KIAA0825: variants seen among roughly 807,000 people sequenced by gnomAD.
KIAA0825 encodes the protein uncharacterized protein KIAA0825.
KIAA0825 carries 119 observed loss-of-function variants against 147.6 expected under a neutral mutation model. That is an observed-to-expected ratio of 0.81 (90% CI 0.69 to 0.94). KIAA0825 has a LOEUF of 0.94. Ranked by LOEUF, KIAA0825 falls within the 40% of genes least tolerant of loss-of-function variation. The probability of loss-of-function intolerance (pLI) is 0.00; values close to 1 mark genes in which losing one functional copy is unlikely to be tolerated. For missense variants in KIAA0825, 1,381 were observed against 1,472.7 expected, an observed-to-expected ratio of 0.94 and a Z score of 1.02; for synonymous variants, 470 against 518.1, an observed-to-expected ratio of 0.91 and a Z score of 1.26.
chr5:94,542,193 A>C (rs1023264843), intron 2 of KIAA0825, among the ~76,000 whole-genome samples: 4 of 152,182 alleles, frequency 2.6e-5, no homozygotes, highest in African/African-American at 9.7e-5. Flanking sequence ...GGAGGAAAAA[A>C]CTTTCAGGAC....
At chr5:94,493,846 C>A (rs971018610) in intron 5 of KIAA0825, among the ~76,000 whole-genome samples, 2 of 151,920 alleles carry the variant, frequency 1.3e-5, no homozygotes, top group African/African-American at 4.8e-5. Flanking sequence ...AAAATTTGCA[C>A]CCATTGATAG....
chr5:94,261,163 C>T (rs573586720), intron 20 of KIAA0825, among the ~76,000 whole-genome samples: 12 of 151,290 alleles, frequency 7.9e-5, no homozygotes, highest in African/African-American at 2.9e-4. Flanking sequence ...ATTAGCTGGG[C>T]GTGGTGGTGC....
chr5:94,543,628 C>A (rs1249225683), intron 2 of KIAA0825, among the ~76,000 whole-genome samples: 1 of 152,174 alleles, frequency 6.6e-6, no homozygotes, highest in Non-Finnish European at 1.5e-5. Flanking sequence ...AATATCATCA[C>A]CCCTATTCAG....
intron 20 of KIAA0825, among the ~76,000 whole-genome samples, chr5:94,247,455 G>A (rs1012333853): frequency 5.3e-5 from 8 of 152,012 alleles, no homozygotes; most frequent in African/African-American, 1.9e-4. Context: ...TATTTACATC[G>A]ACCCAGGGGA....
At chr5:94,561,945 GA>G (rs1273540926) in intron 2 of KIAA0825, among the ~76,000 whole-genome samples, 1 of 152,034 alleles carries the variant, frequency 6.6e-6, no homozygotes, top group African/African-American at 2.4e-5. Flanking sequence ...TTATTAAACA[GA>G]AAAAAGTCAC....
intron 19 of KIAA0825, 142 bp downstream of exon 19, chr5:94,386,100 G>T (rs892940790): frequency 4.5e-6 from 3 of 663,892 alleles, no homozygotes; most frequent in Non-Finnish European, 7.5e-6. Context: ...AAGTCAATTT[G>T]TACAGACCAT....
intron 13 of KIAA0825, among the ~76,000 whole-genome samples, chr5:94,444,504 A>C (rs931559071): frequency 9.9e-5 from 15 of 151,958 alleles, no homozygotes; most frequent in African/African-American, 3.4e-4. Flanking sequence ...TCAGTAACCA[A>C]GTCTGATAAG....
intron 13 of KIAA0825, 42 bp from the exon 14 acceptor site, chr5:94,440,163 T>C (rs1443115501): frequency 6.5e-7 from 1 of 1,535,006 alleles, no homozygotes; most frequent in Non-Finnish European, 8.8e-7. Context: ...GAAGTTAATT[T>C]ATCTATGAAA....
intron 20 of KIAA0825, among the ~76,000 whole-genome samples, chr5:94,279,061 A>T (rs1368922369): frequency 2.0e-5 from 3 of 152,120 alleles, no homozygotes; most frequent in Non-Finnish European, 4.4e-5. Context: ...TTTAAAAGGC[A>T]GGTGTTGTAA....
chr5:94,615,540 T>C (rs1790211219), intron 1 of KIAA0825: 1 of 152,184 alleles, frequency 6.6e-6, no homozygotes, highest in East Asian at 1.9e-4. Context: ...AGGAGGATAA[T>C]AATACTTACC....
chr5:94,523,752 A>C (rs1768694337), intron 4 of KIAA0825, among the ~76,000 whole-genome samples, 178 bp downstream of exon 4: 1 of 151,528 alleles, frequency 6.6e-6, no homozygotes, highest in Admixed American at 6.6e-5. Context: ...ATCATAGTTA[A>C]AAATTAAAAC....
intron 20 of KIAA0825, among the ~76,000 whole-genome samples, chr5:94,339,373 T>C (rs160268): frequency 0.2 from 29,939 of 152,102 alleles, 3,460 homozygotes; most frequent in Middle Eastern, 0.26. Context: ...TCTTTGGTAT[T>C]TGTGATTTAA....
rs140377900 is a variant in KIAA0825 at position 94,604,490 on chromosome 5, C to T, written c.-153+14010G>A. Among the ~76,000 whole-genome samples, 946 of 152,168 alleles carry T rather than the reference C, an allele frequency of 6.2e-3. 16 individuals carry two copies. The highest frequency in any genetic ancestry group is 0.021 in the African/African-American group (855 of 41,500). ...AGGAAAATCACTTGAACCCAGGAAG[C>T]GGAGGTTGCAGTGAGCTGAGATTGC... On this transcript the variant is annotated intron_variant, in intron 1 of 20. Coordinates refer to ENST00000682413, the MANE Select transcript of KIAA0825 (RefSeq NM_001145678.3).
intron 16 of KIAA0825, among the ~76,000 whole-genome samples, chr5:94,400,186 T>G (rs754530588): frequency 6.6e-6 from 1 of 152,174 alleles, no homozygotes; most frequent in Non-Finnish European, 1.5e-5. Flanking sequence ...ATATCCATCA[T>G]CTGTGATGTA....
chr5:94,546,073 C>T (rs1774299176), intron 2 of KIAA0825, among the ~76,000 whole-genome samples: 1 of 152,122 alleles, frequency 6.6e-6, no homozygotes, highest in Non-Finnish European at 1.5e-5. Flanking sequence ...TTGGCTGTAG[C>T]CTGGCAATAC....
intron 20 of KIAA0825, among the ~76,000 whole-genome samples, chr5:94,221,080 TTC>T (rs1287198685): frequency 2.0e-5 from 3 of 152,196 alleles, no homozygotes; most frequent in Non-Finnish European, 4.4e-5. Flanking sequence ...ATCATTCATT[TTC>T]TCTCTTCCGA....
At position 94,153,736 on chromosome 5, in the gene KIAA0825, A is replaced by G; in HGVS notation, c.*271T>C. ...GATACTTCAAGACTGAAAGGAGAAA[A>G]AAATAATTCAAAGGGAACACGAGAT... On this transcript the variant is annotated 3_prime_UTR_variant, in exon 21 of 21. Coordinates refer to ENST00000682413, the MANE Select transcript of KIAA0825 (RefSeq NM_001145678.3). The G allele has an allele frequency of 3.7e-6, 1 of 270,114 alleles. No individual in the cohort carries two copies. The highest frequency in any genetic ancestry group is 6.9e-6 in the Non-Finnish European group (1 of 144,926). 16.7% of individuals were successfully genotyped at this position (270,114 alleles called of 1,614,324 possible). A position where few individuals can be genotyped will look rare whatever the true frequency, so the allele number is the denominator to read the frequency against.
At chr5:94,368,557 A>T (rs1374322009) in intron 20 of KIAA0825, among the ~76,000 whole-genome samples, 3 of 152,212 alleles carry the variant, frequency 2.0e-5, no homozygotes, top group Non-Finnish European at 4.4e-5. Flanking sequence ...GATTAGAGAC[A>T]TTCCAGCTGG....
At chr5:94,301,654 T>G (rs1389671346) in intron 20 of KIAA0825, among the ~76,000 whole-genome samples, 1 of 152,098 alleles carries the variant, frequency 6.6e-6, no homozygotes, top group Admixed American at 6.6e-5. Context: ...AGTGATTTCT[T>G]CTGGCAGAAA....
Sources: allele counts gnomAD v4.1 joint callset (sites outside exome capture counted in the v4.1 genomes callset), GRCh38; gene constraint gnomAD v4.1.1; transcripts MANE v1.5; gene names NCBI Gene and HGNC (gene_info 2026-07-23, HGNC 2026-07-21).